The following AIG1 variants were observed in gnomAD, a reference collection of about 807,000 sequenced individuals.
AIG1 encodes the protein androgen-induced gene 1 protein.
AIG1 carries 23 observed loss-of-function variants against 31.4 expected under a neutral mutation model. The ratio of observed to expected loss-of-function variants is 0.73; its 90% CI spans 0.53 to 1.04. The LOEUF (loss-of-function observed/expected upper bound fraction) is 1.04, where lower values mean the gene tolerates loss of function less well. Among genes scored for constraint, AIG1 ranks in the 50% least tolerant of loss-of-function variants. AIG1 has a pLI of 0.00. For synonymous variants in AIG1, 100 were observed against 110.5 expected (o/e 0.90, Z 0.60); for missense variants, 274 against 295.0 (o/e 0.93, Z 0.52).
At chr6:143,209,508 T>C (rs1791422082) in intron 3 of AIG1, among the ~76,000 whole-genome samples, 1 of 152,076 alleles carries the variant, frequency 6.6e-6, no homozygotes, top group Non-Finnish European at 1.5e-5. Flanking sequence ...GTCAGAGTAA[T>C]ATGATGTAAA....
intron 1 of AIG1, among the ~76,000 whole-genome samples, chr6:143,129,027 C>G (rs1298610146): frequency 1.3e-5 from 2 of 152,208 alleles, no homozygotes; most frequent in African/African-American, 4.8e-5. Context: ...CGCGGTGGCT[C>G]ATGCCTGTAA....
chr6:143,322,096 G>C (rs1776260135), intron 4 of AIG1, among the ~76,000 whole-genome samples: 1 of 152,222 alleles, frequency 6.6e-6, no homozygotes, highest in African/African-American at 2.4e-5. Context: ...CACTGGCATA[G>C]AGCAGGAACT....
intron 2 of AIG1, among the ~76,000 whole-genome samples, chr6:143,151,566 T>C (rs889146811): frequency 3.3e-5 from 5 of 152,162 alleles, no homozygotes; most frequent in African/African-American, 1.2e-4. Flanking sequence ...AGATAGTCAT[T>C]TGTGGGTGTC....
chr6:143,196,028 T>G (rs2128602183), intron 3 of AIG1, among the ~76,000 whole-genome samples: 1 of 152,344 alleles, frequency 6.6e-6, no homozygotes, highest in South Asian at 2.1e-4. Flanking sequence ...CCTTCTGACC[T>G]TCTATTTTCT....
chr6:143,282,482 T>C (rs962406603), intron 3 of AIG1, among the ~76,000 whole-genome samples: 1 of 152,208 alleles, frequency 6.6e-6, no homozygotes, highest in Non-Finnish European at 1.5e-5. Context: ...GAAAAACCAA[T>C]AGATCTTTAA....
chr6:143,152,123 G>C (rs998966503), intron 2 of AIG1, among the ~76,000 whole-genome samples: 1 of 152,016 alleles, frequency 6.6e-6, no homozygotes, highest in Non-Finnish European at 1.5e-5. Context: ...ATAGTATTCT[G>C]TTACTCTGCT....
At chr6:143,153,000 T>C (rs1785378559) in intron 2 of AIG1, among the ~76,000 whole-genome samples, 1 of 152,042 alleles carries the variant, frequency 6.6e-6, no homozygotes, top group African/African-American at 2.4e-5. Flanking sequence ...TATGGCAAGA[T>C]TGGTGTGGTT....
chr6:143,121,397 A>G (rs1194022549), intron 1 of AIG1, among the ~76,000 whole-genome samples: 2 of 152,218 alleles, frequency 1.3e-5, no homozygotes, highest in African/African-American at 4.8e-5. Context: ...TGTAATATAC[A>G]TATATTTTTC....
chr6:143,201,640 T>C (rs1790704378), intron 3 of AIG1, among the ~76,000 whole-genome samples: 1 of 152,184 alleles, frequency 6.6e-6, no homozygotes, highest in Admixed American at 6.5e-5. Context: ...CTTCTATCCA[T>C]CAGATTAGAA....
chr6:143,091,080 G>T (rs187433831), intron 1 of AIG1, among the ~76,000 whole-genome samples: 1 of 151,974 alleles, frequency 6.6e-6, no homozygotes, highest in Admixed American at 6.6e-5. Context: ...TTCTTTGCTC[G>T]TCTATAAGAA....
intron 3 of AIG1, among the ~76,000 whole-genome samples, chr6:143,255,715 A>G (rs1795334075): frequency 2.6e-5 from 4 of 152,092 alleles, no homozygotes; most frequent in Non-Finnish European, 5.9e-5. Context: ...ATATGCCTAT[A>G]TGGATTTTTC....
At chr6:143,209,096 G>T (rs1038878575) in intron 3 of AIG1, among the ~76,000 whole-genome samples, 1 of 152,188 alleles carries the variant, frequency 6.6e-6, no homozygotes, top group Non-Finnish European at 1.5e-5. Flanking sequence ...TAACCTAGAA[G>T]GTTGGCTGAA....
At chr6:143,220,843 C>G (rs920020) in intron 3 of AIG1, among the ~76,000 whole-genome samples, 42,804 of 152,074 alleles carry the variant, frequency 0.28, 6,060 homozygotes, top group East Asian at 0.33. Context: ...TCTTTCTTAT[C>G]TTGAGCTAAA....
intron 1 of AIG1, among the ~76,000 whole-genome samples, chr6:143,119,055 G>A (rs1782007550): frequency 6.6e-6 from 1 of 151,812 alleles, no homozygotes; most frequent in Non-Finnish European, 1.5e-5. Context: ...TCTATTTTTT[G>A]TAGAGACAGA....
Position 143,149,301 on chromosome 6 carries a change from C to T in AIG1, c.297+12311C>T, listed in dbSNP as rs565855911. 1.3e-4 allele frequency among the ~76,000 whole-genome samples: 20 copies of T among 151,856 alleles called. No homozygotes were observed. In the South Asian group the frequency reaches 3.3e-3, roughly 25 times the overall value. ...CAGCACTTTGGGAGGCTGAGGCAGG[C>T]GGATCACAAGGTCAGGAGATCGAGA... On this transcript the variant is annotated intron_variant, in intron 2 of 5. Coordinates refer to ENST00000357847, the MANE Select transcript of AIG1 (RefSeq NM_016108.4).
intron 3 of AIG1, among the ~76,000 whole-genome samples, chr6:143,199,527 A>G (rs1327202304): frequency 3.3e-5 from 5 of 152,224 alleles, no homozygotes; most frequent in Non-Finnish European, 7.3e-5. Context: ...AGAAACAAAA[A>G]TAATTTTTGG....
At chr6:143,111,055 C>T (rs1781231868) in intron 1 of AIG1, among the ~76,000 whole-genome samples, 1 of 152,138 alleles carries the variant, frequency 6.6e-6, no homozygotes, top group Non-Finnish European at 1.5e-5. Context: ...TTATATTTCC[C>T]ATTAAATAAG....
rs562722316 is a variant in AIG1 at position 143,082,109 on chromosome 6, A to G, written c.141+21043A>G. Among the ~76,000 whole-genome samples the G allele has an allele frequency of 2.0e-5, 3 of 152,270 alleles. No individual in the cohort carries two copies. In the East Asian group the frequency reaches 5.8e-4, roughly 29 times the overall value. ...ATTCCCTTTCTCTCCATATTGCTGC[A>G]TGGGCATGGAGGACTAGGTAAGCAT... On this transcript the variant is annotated intron_variant, in intron 1 of 5. Transcript: ENST00000357847.
intron 4 of AIG1, among the ~76,000 whole-genome samples, chr6:143,289,124 C>A (rs1797885098): frequency 6.6e-6 from 1 of 152,130 alleles, no homozygotes; most frequent in Non-Finnish European, 1.5e-5. Flanking sequence ...CTTTGTTAAT[C>A]TCTCCTAGAT....
Sources: gnomAD v4.1 joint callset for allele counts (sites outside exome capture counted in the v4.1 genomes callset) on GRCh38, gnomAD v4.1.1 for gene constraint, MANE v1.5 for transcripts, NCBI Gene and HGNC (gene_info 2026-07-23, HGNC 2026-07-21) for gene names.